FIGNL2: variants seen among roughly 807,000 people sequenced by gnomAD.
FIGNL2 encodes the protein fidgetin like 2, also known as fidgetin-like protein 2.
For synonymous variants in FIGNL2, 565 were observed against 484.0 expected, an observed-to-expected ratio of 1.17 and a Z score of -2.20; for missense variants, 1,060 against 950.2, an observed-to-expected ratio of 1.12 and a Z score of -1.52.
chr12:51,830,649 A>G (rs1181257369), intron 1 of FIGNL2, among the ~76,000 whole-genome samples: 4 of 151,126 alleles, frequency 2.6e-5, no homozygotes, highest in East Asian at 2.0e-4. Flanking sequence ...CCACCACTAC[A>G]CCCAGCTAAT....
chr12:51,831,601 T>C (rs958218418), intron 1 of FIGNL2, among the ~76,000 whole-genome samples: 1 of 152,138 alleles, frequency 6.6e-6, no homozygotes, highest in African/African-American at 2.4e-5. Flanking sequence ...AGCCAAATGC[T>C]TTCCTTCCCT....
intron 1 of FIGNL2, among the ~76,000 whole-genome samples, chr12:51,825,102 C>T (rs1196120214): frequency 6.8e-6 from 1 of 147,578 alleles, no homozygotes; most frequent in Non-Finnish European, 1.5e-5. Flanking sequence ...CTATCCAGAC[C>T]ACAAATCTGT....
Position 51,821,910 on chromosome 12 carries a change from C to A in FIGNL2, c.504G>T (p.Ala168=). The change falls in exon 2 of 2, where the codon GCG becomes GCT. Residue 168 remains alanine, a synonymous_variant. Transcript: ENST00000618634. The stretch of plus-strand genomic sequence containing the variant: ...CGCCCGTCTGCGCGCAGTAACCCGG[C>A]GCCAGGTACCCCCCGCCGTAGCCGG... ...YAAGYGGGYL[A]PGYCAQTGAA... 1 of 1,471,844 alleles carries A rather than the reference C, an allele frequency of 6.8e-7. No homozygotes were observed. 91.2% of individuals were successfully genotyped at this position (1,471,844 alleles called of 1,614,324 possible).
In FIGNL2 at chr12:51,818,065, C is replaced by T. The variant is rs1939081557; in HGVS notation, c.*2387G>A. On this transcript the variant is annotated 3_prime_UTR_variant, in exon 2 of 2. Transcript: ENST00000618634. Reference sequence around the variant, plus strand: ...TGGTTACAGCGGGAGGAGAGGATCCCAGCCCCAGTCTGGGTAGAGGAAGGG... The same window carrying T: ...TGGTTACAGCGGGAGGAGAGGATCCTAGCCCCAGTCTGGGTAGAGGAAGGG... 6.6e-6 allele frequency: 1 copy of T among 152,448 alleles called. No individual in the cohort carries two copies. Among genetic ancestry groups the T allele is most frequent in the African/African-American group, 2.4e-5 (1 of 41,556 alleles). The allele number at this position is 152,448 out of a possible 1,614,324, so 9.4% of individuals were successfully genotyped here. A position where few individuals can be genotyped will look rare whatever the true frequency, so the allele number is the denominator to read the frequency against.
At chr12:51,828,391 G>A (rs1939388369) in intron 1 of FIGNL2, 1 of 152,206 alleles carries the variant, frequency 6.6e-6, no homozygotes, top group Admixed American at 6.5e-5. Context: ...AGACCTTGAA[G>A]GTGAAGTGCT....
intron 1 of FIGNL2, chr12:51,847,636 C>T (rs1427877450): frequency 4.1e-6 from 4 of 985,438 alleles, no homozygotes; most frequent in African/African-American, 3.5e-5. Context: ...CTCTCTGCCC[C>T]GCGCAGACCC....
At position 51,820,741 on chromosome 12, in the gene FIGNL2, G is replaced by C; in HGVS notation, c.1673C>G (p.Pro558Arg). The C allele has an allele frequency of 6.7e-7, 1 of 1,485,052 alleles. No individual in the cohort carries two copies. The highest frequency in any genetic ancestry group is 8.9e-7 in the Non-Finnish European group (1 of 1,126,858). 92.0% of individuals were successfully genotyped at this position (1,485,052 alleles called of 1,614,324 possible). ...GATCTGCCCGCGGGCCGGGCTGTCGGGCAGCGCCACGTAGAAGCGGAGAGA... is the reference window on the plus strand; with the variant it reads ...GATCTGCCCGCGGGCCGGGCTGTCGCGCAGCGCCACGTAGAAGCGGAGAGA... ...RFSLRFYVAL[P>R]DSPARGQILQ... The change falls in exon 2 of 2, where the codon CCC (proline) becomes CGC (arginine). Residue 558 changes from proline to arginine, a missense_variant. Physicochemically the swap from Pro to Arg is moderately radical, Grantham distance 103 (BLOSUM62 -2). Coordinates refer to ENST00000618634, the MANE Select transcript of FIGNL2 (RefSeq NM_001384995.1).
In FIGNL2 at chr12:51,823,085, A is replaced by G. The variant is rs150227903; in HGVS notation, c.-11-661T>C. ...CCTCAGTGGCTGACCCAGAGCATTC[A>G]TTTCCTTCCCACTTGGTTTTGGCTT... On this transcript the variant is annotated intron_variant, in intron 1 of 1. Coordinates refer to ENST00000618634, the MANE Select transcript of FIGNL2 (RefSeq NM_001384995.1). Among the ~76,000 whole-genome samples, 900 of 152,218 alleles carry G rather than the reference A, an allele frequency of 5.9e-3. 6 individuals carry two copies. Among genetic ancestry groups the G allele is most frequent in the African/African-American group, 0.019 (803 of 41,538 alleles).
intron 1 of FIGNL2, among the ~76,000 whole-genome samples, chr12:51,837,600 C>T (rs1939599695): frequency 1.3e-5 from 2 of 152,198 alleles, no homozygotes; most frequent in African/African-American, 4.8e-5. Flanking sequence ...CAGCTCTCCT[C>T]TCCTCCCCAC....
chr12:51,827,390 G>GT (rs35274727), intron 1 of FIGNL2, among the ~76,000 whole-genome samples: 4,252 of 142,100 alleles, frequency 0.03, 87 homozygotes, highest in Non-Finnish European at 0.041. Context: ...ATTTCTATTT[G>GT]TTTTTTTTTT....
In FIGNL2 at chr12:51,820,989, G is replaced by C; in HGVS notation, c.1425C>G (p.Ala475=). ...GAAEGARLLQ[A]AFAAARCRPP... ...GGCGGCAGCGCGCGGCCGCGAAGGCGGCCTGGAGGAGGCGCGCGCCCTCGG... is the reference window on the plus strand; with the variant it reads ...GGCGGCAGCGCGCGGCCGCGAAGGCCGCCTGGAGGAGGCGCGCGCCCTCGG... Residue 475 remains alanine, a synonymous_variant, in exon 2 of 2, where the codon GCC becomes GCG. Transcript: ENST00000618634. 1 of 1,203,348 alleles carries C rather than the reference G, an allele frequency of 8.3e-7. No homozygotes were observed. The highest frequency in any genetic ancestry group is 1.0e-6 in the Non-Finnish European group (1 of 971,410). 74.5% of individuals were successfully genotyped at this position (1,203,348 alleles called of 1,614,324 possible).
intron 1 of FIGNL2, among the ~76,000 whole-genome samples, chr12:51,830,701 C>T (rs1021654389): frequency 2.0e-5 from 3 of 151,938 alleles, no homozygotes. Context: ...CCATGTTGGC[C>T]AGGCTGGTCT....
intron 1 of FIGNL2, among the ~76,000 whole-genome samples, chr12:51,827,101 C>T (rs941234458): frequency 6.6e-6 from 1 of 152,262 alleles, no homozygotes; most frequent in Non-Finnish European, 1.5e-5. Context: ...AGGCCAGTTA[C>T]AGCCCTCTTG....
In FIGNL2 at chr12:51,820,706, C is replaced by T. The variant is rs1192519882; in HGVS notation, c.1708G>A (p.Ala570Thr). The T allele has an allele frequency of 6.7e-7, 1 of 1,486,644 alleles. No individual in the cohort carries two copies. The highest frequency in any genetic ancestry group is 8.9e-7 in the Non-Finnish European group (1 of 1,128,106). The allele number at this position is 1,486,644 out of a possible 1,614,324, so 92.1% of individuals were successfully genotyped here. A position where few individuals can be genotyped will look rare whatever the true frequency, so the allele number is the denominator to read the frequency against. The change falls in exon 2 of 2, where the codon GCG (alanine) becomes ACG (threonine). Residue 570 changes from alanine (A) to threonine (T), a missense_variant. Ala to Thr is a moderately conservative substitution (Grantham distance 58, BLOSUM62 0). Transcript: ENST00000618634. The stretch of plus-strand genomic sequence containing the variant: ...AGCGCGCAGCCCTGCTGGGCCAGCG[C>T]CCGCTGCAGGATCTGCCCGCGGGCC... ...SPARGQILQRALAQQGCALSE... is the reference protein window; with the variant it reads ...SPARGQILQRTLAQQGCALSE...
At chr12:51,840,180 T>G (rs1175423665) in intron 1 of FIGNL2, among the ~76,000 whole-genome samples, 1 of 152,158 alleles carries the variant, frequency 6.6e-6, no homozygotes, top group Non-Finnish European at 1.5e-5. Flanking sequence ...GAGGCCGCCA[T>G]GGACTGTCCT....
intron 1 of FIGNL2, among the ~76,000 whole-genome samples, chr12:51,834,977 T>C (rs1027514949): frequency 6.6e-6 from 1 of 152,214 alleles, no homozygotes; most frequent in African/African-American, 2.4e-5. Flanking sequence ...TCATACAAGC[T>C]GTAAGAGGGG....
chr12:51,830,886 A>G (rs1159953225), intron 1 of FIGNL2, among the ~76,000 whole-genome samples: 1 of 152,120 alleles, frequency 6.6e-6, no homozygotes, highest in Non-Finnish European at 1.5e-5. Context: ...GGTTCAAGCG[A>G]TCCCCCCACC....
chr12:51,825,648 G>A (rs1426922765), intron 1 of FIGNL2, among the ~76,000 whole-genome samples: 20 of 143,046 alleles, frequency 1.4e-4, no homozygotes, highest in African/African-American at 4.4e-4. Flanking sequence ...ACGGAGTCTC[G>A]CTCTGTCGCC....
In FIGNL2 at chr12:51,820,418, G is replaced by T. The variant is rs763877456; in HGVS notation, c.*34C>A. 1.9e-6 allele frequency: 3 copies of T among 1,566,424 alleles called. No homozygotes were observed. Among genetic ancestry groups the T allele is most frequent in the African/African-American group, 2.7e-5 (2 of 74,140 alleles). ...CCACGCGGAGGCGGCGGGGACGGAGGGACTGCGGCTCCCGCGGCCTCCCCC... is the reference window on the plus strand; with the variant it reads ...CCACGCGGAGGCGGCGGGGACGGAGTGACTGCGGCTCCCGCGGCCTCCCCC... On this transcript the variant is annotated 3_prime_UTR_variant, in exon 2 of 2. Transcript: ENST00000618634.
Sources: gnomAD v4.1 joint callset for allele counts (sites outside exome capture counted in the v4.1 genomes callset) on GRCh38, gnomAD v4.1.1 for gene constraint, MANE v1.5 for transcripts, NCBI Gene and HGNC (gene_info 2026-07-23, HGNC 2026-07-21) for gene names.